Variants in CAMKMT observed in about 807,000 individuals in gnomAD.
CAMKMT encodes CaM KMT.
CAMKMT carries 53 observed loss-of-function variants against 48.0 expected under a neutral mutation model. The ratio of observed to expected loss-of-function variants is 1.10; its 90% CI spans 0.89 to 1.39. The LOEUF is 1.39. Among genes scored for constraint, CAMKMT ranks in the 40% most tolerant of loss-of-function variants. The probability of loss-of-function intolerance (pLI) is 0.00; values close to 1 mark genes in which losing one functional copy is unlikely to be tolerated. For synonymous variants in CAMKMT, 165 were observed against 152.3 expected (o/e 1.08, Z -0.61); for missense variants, 428 against 402.7 (o/e 1.06, Z -0.54).
At chr2:44,423,367 A>G (rs1684059228) in intron 3 of CAMKMT, among the ~76,000 whole-genome samples, 1 of 152,010 alleles carries the variant, frequency 6.6e-6, no homozygotes, top group African/African-American at 2.4e-5. Context: ...TGTAGTAGAG[A>G]CGGGGTGTTA....
intron 7 of CAMKMT, among the ~76,000 whole-genome samples, chr2:44,726,077 G>C (rs1239716315): frequency 2.0e-5 from 3 of 152,180 alleles, no homozygotes; most frequent in African/African-American, 4.8e-5. Flanking sequence ...TTATAAGTGA[G>C]AATACGTGGT....
chr2:44,464,159 A>C (rs967176578), intron 3 of CAMKMT, among the ~76,000 whole-genome samples: 1 of 152,194 alleles, frequency 6.6e-6, no homozygotes, highest in African/African-American at 2.4e-5. Flanking sequence ...AAAAAGAACA[A>C]ACTAGAAATT....
intron 3 of CAMKMT, among the ~76,000 whole-genome samples, chr2:44,583,802 G>T (rs1669701260): frequency 6.6e-6 from 1 of 151,442 alleles, no homozygotes; most frequent in Non-Finnish European, 1.5e-5. Flanking sequence ...TCTCTGAAAA[G>T]AAGAAAGAAA....
At chr2:44,577,286 A>G (rs750126269) in intron 3 of CAMKMT, among the ~76,000 whole-genome samples, 2 of 152,230 alleles carry the variant, frequency 1.3e-5, no homozygotes, top group Non-Finnish European at 2.9e-5. Context: ...AAAACATTGG[A>G]GAAATTGTAG....
At chr2:44,409,114 TA>T (rs1682999454) in intron 3 of CAMKMT, among the ~76,000 whole-genome samples, 1 of 4,096 alleles carries the variant, frequency 2.4e-4, no homozygotes, top group African/African-American at 7.7e-4. Context: ...TATATATATA[TA>T]TATATATATA....
At chr2:44,741,595 A>G (rs1349305986) in intron 7 of CAMKMT, among the ~76,000 whole-genome samples, 1 of 152,134 alleles carries the variant, frequency 6.6e-6, no homozygotes, top group Non-Finnish European at 1.5e-5. Flanking sequence ...CTAAAGCTGA[A>G]CTCTGTCCAC....
At chr2:44,493,309 C>G (rs1165213768) in intron 3 of CAMKMT, among the ~76,000 whole-genome samples, 1 of 152,070 alleles carries the variant, frequency 6.6e-6, no homozygotes, top group African/African-American at 2.4e-5. Context: ...TACCTGAGGC[C>G]TCAGAAACAA....
chr2:44,691,643 G>A (rs1032971118), intron 3 of CAMKMT, among the ~76,000 whole-genome samples: 41 of 152,078 alleles, frequency 2.7e-4, no homozygotes, highest in African/African-American at 9.4e-4. Flanking sequence ...CAATCAGATT[G>A]GACCCTTGTT....
At chr2:44,628,268 C>CT (rs988716098) in intron 3 of CAMKMT, among the ~76,000 whole-genome samples, 2 of 152,122 alleles carry the variant, frequency 1.3e-5, no homozygotes. Context: ...TTTCATCTCT[C>CT]TTTTTCTTCT....
chr2:44,496,961 C>G (rs947976142), intron 3 of CAMKMT, among the ~76,000 whole-genome samples: 2 of 152,186 alleles, frequency 1.3e-5, no homozygotes, highest in African/African-American at 4.8e-5. Flanking sequence ...TAAATGTCAA[C>G]CTTTGGCCGA....
chr2:44,483,030 G>T (rs2592199), intron 3 of CAMKMT, among the ~76,000 whole-genome samples: 3 of 151,918 alleles, frequency 2.0e-5, no homozygotes, highest in South Asian at 4.1e-4. Context: ...GCTGTCCAAT[G>T]GAATCAACAA....
chr2:44,562,753 G>C (rs947092665), intron 3 of CAMKMT, among the ~76,000 whole-genome samples: 4 of 152,178 alleles, frequency 2.6e-5, no homozygotes, highest in Admixed American at 2.6e-4. Flanking sequence ...TAGAGACGGG[G>C]TTTCAACATG....
intron 3 of CAMKMT, among the ~76,000 whole-genome samples, chr2:44,497,709 A>AAGAG (rs70937918): frequency 0.023 from 3,160 of 138,908 alleles, 91 homozygotes; most frequent in African/African-American, 0.065. Context: ...TAAGCAGGCA[A>AAGAG]AGAGAGAGAG....
At chr2:44,650,976 A>G (rs960047996) in intron 3 of CAMKMT, among the ~76,000 whole-genome samples, 3 of 152,240 alleles carry the variant, frequency 2.0e-5, no homozygotes, top group East Asian at 1.9e-4. Context: ...GATGTGGCCA[A>G]TCTAAAAACA....
At chr2:44,744,794 GA>G (rs200971840) in intron 8 of CAMKMT, among the ~76,000 whole-genome samples, 3 of 147,284 alleles carry the variant, frequency 2.0e-5, no homozygotes, top group Non-Finnish European at 3.0e-5. Flanking sequence ...TTTTTCTTCA[GA>G]AAAAAAAACA....
intron 3 of CAMKMT, among the ~76,000 whole-genome samples, chr2:44,461,006 G>A (rs1291079092): frequency 1.3e-5 from 2 of 152,236 alleles, no homozygotes; most frequent in African/African-American, 4.8e-5. Flanking sequence ...TTATAGGCAT[G>A]AGCCACCATG....
At chr2:44,759,413 C>T (rs949462312) in intron 9 of CAMKMT, among the ~76,000 whole-genome samples, 1 of 152,192 alleles carries the variant, frequency 6.6e-6, no homozygotes. Flanking sequence ...AGCCACTATG[C>T]CCAGCCAAGT....
chr2:44,713,015 C>T (rs1027739254), intron 6 of CAMKMT, among the ~76,000 whole-genome samples: 3 of 152,086 alleles, frequency 2.0e-5, no homozygotes, highest in Non-Finnish European at 4.4e-5. Flanking sequence ...AACCACAAAA[C>T]TTATTTCCTG....
At chr2:44,484,931 A>G (rs1294847149) in intron 3 of CAMKMT, among the ~76,000 whole-genome samples, 1 of 152,154 alleles carries the variant, frequency 6.6e-6, no homozygotes, top group Non-Finnish European at 1.5e-5. Context: ...GCACTTCACG[A>G]ACAGTATATC....
Sources: allele counts gnomAD v4.1 joint callset (sites outside exome capture counted in the v4.1 genomes callset), GRCh38; gene constraint gnomAD v4.1.1; transcripts MANE v1.5; gene names NCBI Gene and HGNC (gene_info 2026-07-23, HGNC 2026-07-21).